HDX: variants seen among roughly 807,000 people sequenced by gnomAD.
HDX encodes the protein chromosome X open reading frame 43.
In HDX, 19 loss-of-function variants were observed where a neutral mutation model predicts 45.2. That is an observed-to-expected ratio of 0.42 (90% confidence interval 0.29 to 0.62). The LOEUF is 0.62. Ranked by LOEUF, HDX falls within the 20% of genes least tolerant of loss-of-function variation. The pLI, the probability that HDX is intolerant of heterozygous loss-of-function variation, is 0.20. For synonymous variants in HDX, 188 were observed against 172.8 expected, an observed-to-expected ratio of 1.09 and a Z score of -0.69; for missense variants, 532 against 493.9, an observed-to-expected ratio of 1.08 and a Z score of -0.73.
intron 3 of HDX, among the ~76,000 whole-genome samples, chrX:84,469,993 G>A (rs2040425590): frequency 9.0e-6 from 1 of 111,325 alleles, no homozygotes; most frequent in African/African-American, 3.3e-5. Flanking sequence ...ACATACTAAA[G>A]GTAGGCTATT....
At chrX:84,431,319 C>T in intron 5 of HDX, among the ~76,000 whole-genome samples, 1 of 110,839 alleles carries the variant, frequency 9.0e-6, no homozygotes, top group African/African-American at 3.3e-5. Context: ...CATACACATG[C>T]ATGTGTCTTT....
intron 5 of HDX, among the ~76,000 whole-genome samples, chrX:84,396,137 C>T (rs1255231394): frequency 8.9e-6 from 1 of 111,902 alleles, no homozygotes; most frequent in Non-Finnish European, 1.9e-5. Flanking sequence ...TTTTCACGTT[C>T]TCTATGTTGT....
intron 5 of HDX, among the ~76,000 whole-genome samples, chrX:84,401,868 T>G (rs1359680707): frequency 9.0e-6 from 1 of 111,627 alleles, no homozygotes; most frequent in Non-Finnish European, 1.9e-5. Flanking sequence ...ATGAAATACA[T>G]GCAGGCATAA....
intron 5 of HDX, among the ~76,000 whole-genome samples, chrX:84,417,990 T>A (rs1602417631): frequency 1.8e-5 from 2 of 112,191 alleles, no homozygotes; most frequent in African/African-American, 6.5e-5. Context: ...GGAATTAATG[T>A]AGTTAGAGAA....
intron 5 of HDX, among the ~76,000 whole-genome samples, chrX:84,399,763 A>G (rs993411914): frequency 2.7e-5 from 3 of 111,338 alleles, no homozygotes; most frequent in African/African-American, 9.8e-5. Context: ...CACACACACA[A>G]AAAAACTTCA....
At chrX:84,386,793 C>A (rs1602360346) in intron 5 of HDX, among the ~76,000 whole-genome samples, 1 of 111,458 alleles carries the variant, frequency 9.0e-6, no homozygotes, top group Non-Finnish European at 1.9e-5. Flanking sequence ...AAGAAACAGT[C>A]CCTTCATTTC....
chrX:84,430,225 A>T (rs1364229750), intron 5 of HDX, among the ~76,000 whole-genome samples: 2 of 110,485 alleles, frequency 1.8e-5, no homozygotes, highest in African/African-American at 3.3e-5. Context: ...GGCTTCTATG[A>T]GATTACTTTT....
At position 84,468,569 on chromosome X, in the gene HDX, G is replaced by T. The variant is rs148018048; in HGVS notation, c.1154C>A (p.Thr385Lys). 4.2e-6 allele frequency: 5 copies of T among 1,191,760 alleles called. No individual in the cohort carries two copies. The highest frequency in any genetic ancestry group is 5.7e-6 in the Non-Finnish European group (5 of 878,480). The change falls in exon 4 of 11, where the codon ACA becomes AAA. Residue 385 changes from threonine to lysine, a missense_variant. Coordinates refer to ENST00000373177, the MANE Select transcript of HDX (RefSeq NM_001177479.2). ...TAATGGATTGGTATTACTGTACATT[G>T]TACTAGATGCTGTATGTAATGAGGT... is the stretch of plus-strand genomic sequence containing the variant. ...PRTSLHTASS[T>K]MYSNTNPLRS...
At chrX:84,436,659 C>T (rs1366997444) in intron 5 of HDX, among the ~76,000 whole-genome samples, 3 of 111,705 alleles carry the variant, frequency 2.7e-5, no homozygotes, top group African/African-American at 9.7e-5. Context: ...TATTGATGCT[C>T]AGTGTTATTC....
chrX:84,412,554 A>T (rs1226473638), intron 5 of HDX, among the ~76,000 whole-genome samples: 1 of 111,591 alleles, frequency 9.0e-6, no homozygotes, highest in Non-Finnish European at 1.9e-5. Context: ...AGTCTGGTTG[A>T]GTTCCCTTTG....
Position 84,468,722 on chromosome X carries a change from C to G in HDX, c.1001G>C (p.Arg334Pro). The G allele has an allele frequency of 2.5e-6, 3 of 1,211,321 alleles. No homozygotes were observed. Among genetic ancestry groups the G allele is most frequent in the African/African-American group, 1.7e-5 (1 of 57,715 alleles). Reference protein sequence around the residue: ...SRFYESGSSLRAENQSTTLPG... With the variant: ...SRFYESGSSLPAENQSTTLPG... ...CAAGGTTGTACTTTGGTTCTCAGCT[C>G]GAAGGGAACTGCCACTTTCATAAAA... The change falls in exon 4 of 11, where the codon CGA becomes CCA. Residue 334 changes from arginine to proline, a missense_variant. Arg to Pro is a moderately radical substitution (Grantham distance 103). Around this residue, in one of 3 missense-constraint regions of HDX, gnomAD observed 376 missense variants for 343.7 expected, o/e 1.09. Coordinates refer to ENST00000373177, the MANE Select transcript of HDX (RefSeq NM_001177479.2).
At chrX:84,371,118 T>C (rs2037884309) in intron 5 of HDX, among the ~76,000 whole-genome samples, 1 of 111,933 alleles carries the variant, frequency 8.9e-6, no homozygotes, top group Non-Finnish European at 1.9e-5. Context: ...GGCTTACAAC[T>C]GGTAACAAAT....
At chrX:84,419,225 G>A (rs1234425214) in intron 5 of HDX, among the ~76,000 whole-genome samples, 5 of 110,486 alleles carry the variant, frequency 4.5e-5, no homozygotes, top group Admixed American at 2.9e-4. Context: ...AGCATCAGGC[G>A]GGTTCTTGGG....
intron 4 of HDX, 46 bp from the exon 5 acceptor site, chrX:84,440,631 T>A (rs1478569761): frequency 1.2e-6 from 1 of 842,833 alleles, no homozygotes; most frequent in Non-Finnish European, 1.8e-6. Flanking sequence ...TTATTGACAG[T>A]ACTTGGAATG....
In HDX at chrX:84,336,766, C is replaced by A. The variant is rs1296655136; in HGVS notation, c.1740+35G>T. The A allele has an allele frequency of 5.5e-6, 5 of 902,039 alleles. No homozygotes were observed. In the Admixed American group the frequency reaches 1.3e-4, roughly 23 times the overall value. 74.3% of individuals were successfully genotyped at this position (902,039 alleles called of 1,213,427 possible). Reference sequence around the variant, plus strand: ...CTGGATACTTGGGCTTGAAATCAACCATGTAATGAGAAAAGAATTTCAAAC... The same window carrying A: ...CTGGATACTTGGGCTTGAAATCAACAATGTAATGAGAAAAGAATTTCAAAC... On this transcript the variant is annotated intron_variant, in intron 8 of 10. Coordinates refer to ENST00000373177, the MANE Select transcript of HDX (RefSeq NM_001177479.2).
chrX:84,333,962 T>G, intron 8 of HDX, 120 bp from the exon 9 acceptor site: 1 of 372,468 alleles, frequency 2.7e-6, no homozygotes, highest in Non-Finnish European at 4.8e-6. Context: ...TGGAATAAAT[T>G]CTGATAACTG....
intron 1 of HDX, among the ~76,000 whole-genome samples, chrX:84,489,901 G>A (rs1339821516): frequency 2.7e-5 from 3 of 112,139 alleles, no homozygotes; most frequent in African/African-American, 9.7e-5. Flanking sequence ...TAGCATTAAT[G>A]AGTAAAGCAA....
chrX:84,373,725 C>T (rs1340963251), intron 5 of HDX, among the ~76,000 whole-genome samples: 2 of 111,418 alleles, frequency 1.8e-5, no homozygotes, highest in African/African-American at 3.3e-5. Context: ...ATGCTAAAAA[C>T]TCTCAATAAA....
chrX:84,435,527 T>C lies in HDX; in HGVS notation c.1305+5005A>G, dbSNP rs747590016. ...GTTGTAGGTTGCCTGTTCACTCTGA[T>C]GGTAGTTTCTTTTGCTATGCAGAAG... On this transcript the variant is annotated intron_variant, in intron 5 of 10. Transcript: ENST00000373177. Among the ~76,000 whole-genome samples the C allele has an allele frequency of 3.6e-5, 4 of 110,076 alleles. No homozygotes were observed. The South Asian group carries it at 1.6e-3, about 43-fold the overall frequency.
Sources: allele counts gnomAD v4.1 joint callset (sites outside exome capture counted in the v4.1 genomes callset), GRCh38; gene constraint gnomAD v4.1.1; regional missense constraint gnomAD v4.1.1; transcripts MANE v1.5; gene names NCBI Gene and HGNC (gene_info 2026-07-23, HGNC 2026-07-21).